MINK1: variants seen among roughly 807,000 people sequenced by gnomAD.
The protein encoded by MINK1 is misshapen-like kinase 1.
In MINK1, 46 loss-of-function variants were observed where a neutral mutation model predicts 178.4. The ratio of observed to expected loss-of-function variants is 0.26; its 90% confidence interval spans 0.20 to 0.33. MINK1 has a LOEUF of 0.33. Among genes scored for constraint, MINK1 ranks in the 10% least tolerant of loss-of-function variants. The pLI is 1.00. For missense variants in MINK1, 1,366 were observed against 1,814.9 expected (o/e 0.75, Z 4.49); for synonymous variants, 797 against 709.7 (o/e 1.12, Z -1.96).
At chr17:4,857,774 C>T (rs912001258) in intron 1 of MINK1, among the ~76,000 whole-genome samples, 1 of 152,006 alleles carries the variant, frequency 6.6e-6, no homozygotes, top group East Asian at 1.9e-4. Flanking sequence ...AGCCAAGATG[C>T]TCTTTCTTAC....
At chr17:4,871,078 C>T in intron 1 of MINK1, 1 of 369,798 alleles carries the variant, frequency 2.7e-6, no homozygotes, top group Non-Finnish European at 5.7e-6. Context: ...TAATATGTGG[C>T]CTTTTGTGAC....
At position 4,891,644 on chromosome 17, in the gene MINK1, C is replaced by T. The variant is rs751828601; in HGVS notation, c.1929C>T (p.Pro643=). ...RGAVIRQNSD[P]TSEGPGPSPN... ...CTGTCATCCGCCAGAATTCAGACCC[C>T]ACCTCTGAAGGACCTGGCCCCAGCC... Residue 643 remains proline (P), a synonymous_variant, in exon 16 of 32, where the codon CCC becomes CCT. Transcript: ENST00000355280. 5.0e-6 allele frequency: 8 copies of T among 1,601,294 alleles called. No individual in the cohort carries two copies. The South Asian group carries it at 5.6e-5, about 11-fold the overall frequency.
intron 1 of MINK1, chr17:4,859,063 G>A (rs1485873251): frequency 5.4e-6 from 5 of 928,802 alleles, no homozygotes; most frequent in African/African-American, 3.6e-5. Context: ...CTGGGTCTGG[G>A]AACAGCACTG....
Position 4,885,944 on chromosome 17 carries a change from G to A in MINK1, c.673G>A (p.Glu225Lys). 1.2e-6 allele frequency: 2 copies of A among 1,613,884 alleles called. No individual in the cohort carries two copies. The highest frequency in any genetic ancestry group is 1.7e-6 in the Non-Finnish European group (2 of 1,179,854). The stretch of plus-strand genomic sequence containing the variant: ...TTGGTCTCTAGGAATCACAGCCATC[G>A]AGATGGCAGAGGGAGCCCCCCGTAA... ...DIWSLGITAI[E>K]MAEGAPPLCD... The change falls in exon 8 of 32, where the codon GAG (glutamate) becomes AAG (lysine). Residue 225 changes from glutamate (E) to lysine (K), a missense_variant. By Grantham distance (56) the Glu-to-Lys change is moderately conservative. This residue lies in a region of MINK1 where 109 missense variants were observed against 369.4 expected (regional missense o/e 0.30). Coordinates refer to ENST00000355280, the MANE Select transcript of MINK1 (RefSeq NM_153827.5). This position sits in a 1 kb window ranked among gnomAD's most constrained non-coding sequence, Gnocchi z 5.0.
At chr17:4,857,151 G>T in intron 1 of MINK1, 1 of 261,108 alleles carries the variant, frequency 3.8e-6, no homozygotes, top group Non-Finnish European at 7.7e-6. Context: ...GGAGTTGGCA[G>T]GGGGGACAGC....
Position 4,895,914 on chromosome 17 carries a change from T to C in MINK1, c.3364+82T>C, listed in dbSNP as rs894582129. 2 of 1,573,570 alleles carry C rather than the reference T, an allele frequency of 1.3e-6. No individual in the cohort carries two copies. Among genetic ancestry groups the C allele is most frequent in the Non-Finnish European group, 8.6e-7 (1 of 1,158,542 alleles). On this transcript the variant is annotated intron_variant, in intron 27 of 31. Transcript: ENST00000355280. This position sits in a 1 kb window ranked among gnomAD's most constrained non-coding sequence, Gnocchi z 4.3. Reference sequence around the variant, plus strand: ...ATCTGGGAGCCAGGGACTTGGGGCCTGGGTGGGGCAGTGTAGTGACAGACC... The same window carrying C: ...ATCTGGGAGCCAGGGACTTGGGGCCCGGGTGGGGCAGTGTAGTGACAGACC...
rs754324291 is a variant in MINK1 at position 4,860,720 on chromosome 17, CT to C, written c.58-17596del. On this transcript the variant is annotated intron_variant, in intron 1 of 31. Transcript: ENST00000355280. ...AGAGCAAAGAAGCAAGGGCTCAAGG[CT>C]GGTGTGTGCCTGGTTCTCCCCTGGT... 7.7e-6 allele frequency: 4 copies of C among 519,888 alleles called. No homozygotes were observed. The African/African-American group carries it at 7.7e-5, about 10-fold the overall frequency. 32.2% of individuals were successfully genotyped at this position (519,888 alleles called of 1,614,324 possible).
At chr17:4,876,346 T>C (rs1967182341) in intron 1 of MINK1, among the ~76,000 whole-genome samples, 1 of 150,634 alleles carries the variant, frequency 6.6e-6, no homozygotes, top group Admixed American at 6.6e-5. Context: ...CAAGTAAATG[T>C]AGAGCACAAT....
At chr17:4,855,711 A>C (rs1405154087) in intron 1 of MINK1, among the ~76,000 whole-genome samples, 4 of 148,198 alleles carry the variant, frequency 2.7e-5, no homozygotes, top group African/African-American at 9.9e-5. Flanking sequence ...CGGAGGTTGC[A>C]GTGAGCCGAG....
rs374944239 is a variant in MINK1, at chr17:4,885,047, G to T, written c.508+45G>T. 3 of 1,593,294 alleles carry T rather than the reference G, an allele frequency of 1.9e-6. No individual in the cohort carries two copies. Among genetic ancestry groups the T allele is most frequent in the South Asian group, 1.1e-5 (1 of 89,896 alleles). ...GGCTGACGAGGACCTTTCACCTCCA[G>T]AACAGAGAATGAGGGGCCCCTTTTT... On this transcript the variant is annotated intron_variant, in intron 6 of 31. Coordinates refer to ENST00000355280, the MANE Select transcript of MINK1 (RefSeq NM_153827.5). The surrounding 1 kb of genome is among the most constrained non-coding windows in gnomAD (Gnocchi z 5.0).
rs914742388 is a variant in MINK1, at chr17:4,836,625, T to A, written c.57+2985T>A. ...ATGGTAATAGTACTGAATGCAGAGT[T>A]GCTGAGGATTAAATGCACGTTAAGT... On this transcript the variant is annotated intron_variant, in intron 1 of 31. Transcript: ENST00000355280. The surrounding 1 kb of genome is among the most constrained non-coding windows in gnomAD (Gnocchi z 4.3). 6.6e-6 allele frequency among the ~76,000 whole-genome samples: 1 copy of A among 152,202 alleles called. No individual in the cohort carries two copies. The highest frequency in any genetic ancestry group is 1.5e-5 in the Non-Finnish European group (1 of 68,034).
At chr17:4,877,221 A>C (rs1597495407) in intron 1 of MINK1, among the ~76,000 whole-genome samples, 1 of 149,790 alleles carries the variant, frequency 6.7e-6, no homozygotes, top group Admixed American at 6.6e-5. Flanking sequence ...TTCTGCCAGG[A>C]GGGTGTGGGT....
At chr17:4,874,011 C>T (rs920148930) in intron 1 of MINK1, among the ~76,000 whole-genome samples, 1 of 152,102 alleles carries the variant, frequency 6.6e-6, no homozygotes, top group Non-Finnish European at 1.5e-5. Flanking sequence ...CAGAGGCACA[C>T]GACTAGTGCC....
In MINK1 at chr17:4,890,522, C is replaced by T. The variant is rs888370492; in HGVS notation, c.1353C>T (p.Tyr451=). ...CTCCCTACCCTTGGGCCCAGGAATA[C>T]AAGCGGAAGCAGCTGGAGGAGCAGC... ...ERRQAEREQE[Y]KRKQLEEQRQ... Residue 451 remains tyrosine, a synonymous_variant, in exon 14 of 32, where the codon TAC becomes TAT. Coordinates refer to ENST00000355280, the MANE Select transcript of MINK1 (RefSeq NM_153827.5). 5.7e-6 allele frequency: 9 copies of T among 1,587,660 alleles called. No homozygotes were observed. Among genetic ancestry groups the T allele is most frequent in the African/African-American group, 5.4e-5 (4 of 74,202 alleles).
chr17:4,895,456 T>G lies in MINK1; in HGVS notation c.3192T>G (p.Asp1064Glu). The part of the protein sequence containing the change: ...LIGRRRFQQM[D>E]VLEGLNLLIT... ...GGCGGCGACGCTTCCAGCAGATGGA[T>G]GTGCTGGAGGGGCTCAACCTGCTCA... Residue 1064 changes from aspartate (D) to glutamate (E), a missense_variant, in exon 26 of 32, where the codon GAT becomes GAG. Asp to Glu is a conservative substitution (Grantham distance 45). Transcript: ENST00000355280. The surrounding 1 kb of genome is among the most constrained non-coding windows in gnomAD (Gnocchi z 4.3). 2 of 1,601,970 alleles carry G rather than the reference T, an allele frequency of 1.2e-6. No homozygotes were observed. The highest frequency in any genetic ancestry group is 1.7e-6 in the Non-Finnish European group (2 of 1,173,082).
In MINK1 at chr17:4,889,757, C is replaced by G. The variant is rs2277681; in HGVS notation, c.1341C>G (p.Arg447=). The G allele has an allele frequency of 6.5e-7, 1 of 1,536,982 alleles. No individual in the cohort carries two copies. Among genetic ancestry groups the G allele is most frequent in the Admixed American group, 2.0e-5 (1 of 50,798 alleles). Residue 447 remains arginine (R), a synonymous_variant, in exon 13 of 32, where the codon CGC becomes CGG. Transcript: ENST00000355280. ...AGGAGGAGCGGCGGCAGGCGGAGCG[C>G]GAGCAGGTAGAGCGCCGCACCCGCA... ...RREEERRQAE[R]EQEYKRKQLE...
chr17:4,890,837 G>A (rs1968714071), intron 14 of MINK1, 102 bp downstream of exon 14: 2 of 1,515,846 alleles, frequency 1.3e-6, no homozygotes, highest in African/African-American at 1.4e-5. Flanking sequence ...CCAAGTAGGG[G>A]AAAGGAGCAC....
chr17:4,893,427 C>T lies in MINK1; in HGVS notation c.2401-7C>T, dbSNP rs2151060969. On this transcript the variant is annotated splice_region_variant and splice_polypyrimidine_tract_variant and intron_variant, in intron 20 of 31. Coordinates refer to ENST00000355280, the MANE Select transcript of MINK1 (RefSeq NM_153827.5). ...CTCCCTGCCCCTCACGTGGCTCCTC[C>T]CTGCAGGACTTTGTGTTGCTGAAAG... 6.3e-7 allele frequency: 1 copy of T among 1,595,794 alleles called. No homozygotes were observed. The highest frequency in any genetic ancestry group is 1.3e-5 in the African/African-American group (1 of 74,706).
intron 1 of MINK1, among the ~76,000 whole-genome samples, chr17:4,869,887 G>A (rs1915641081): frequency 6.8e-6 from 1 of 146,344 alleles, no homozygotes; most frequent in Admixed American, 6.9e-5. Context: ...CCCAGGCTGG[G>A]GTGCAGTGGC....
Sources: gnomAD v4.1 joint callset for allele counts (sites outside exome capture counted in the v4.1 genomes callset) on GRCh38, gnomAD v4.1.1 for gene constraint, gnomAD v4.1.1 regional missense constraint, Gnocchi (gnomAD v3.1) non-coding constraint, MANE v1.5 for transcripts, NCBI Gene and HGNC (gene_info 2026-07-23, HGNC 2026-07-21) for gene names.